SORCS2: variants seen among roughly 807,000 people sequenced by gnomAD.
SORCS2 encodes VPS10 domain-containing receptor SorCS2.
A neutral mutation model predicts 141.6 loss-of-function variants in SORCS2; 100 were observed. The observed-to-expected ratio is 0.71, with a 90% confidence interval of 0.60 to 0.83. SORCS2 has a LOEUF of 0.83. Ranked by LOEUF, SORCS2 falls within the 40% of genes least tolerant of loss-of-function variation. The probability of loss-of-function intolerance (pLI) is 0.00; values close to 1 mark genes in which losing one functional copy is unlikely to be tolerated. For synonymous variants in SORCS2, 789 were observed against 676.9 expected, an observed-to-expected ratio of 1.17 and a Z score of -2.57; for missense variants, 1,646 against 1,560.2, an observed-to-expected ratio of 1.05 and a Z score of -0.93.
chr4:7,267,228 C>A (rs958644924), intron 1 of SORCS2, among the ~76,000 whole-genome samples: 2 of 152,158 alleles, frequency 1.3e-5, no homozygotes, highest in South Asian at 4.1e-4. Flanking sequence ...CCTTTCTTAC[C>A]CTTCTGGTAT....
intron 3 of SORCS2, among the ~76,000 whole-genome samples, chr4:7,631,151 G>A (rs1719865661): frequency 6.6e-6 from 1 of 150,968 alleles, no homozygotes; most frequent in Admixed American, 6.6e-5. Flanking sequence ...GAGGAGATGG[G>A]TTGGAGCCCT....
At chr4:7,572,538 A>G (rs1715472413) in intron 3 of SORCS2, among the ~76,000 whole-genome samples, 2 of 152,242 alleles carry the variant, frequency 1.3e-5, no homozygotes, top group Non-Finnish European at 1.5e-5. Context: ...TTTGTGCTAC[A>G]GCAAGACTTA....
chr4:7,703,820 CTG>C (rs1357103660), intron 13 of SORCS2, among the ~76,000 whole-genome samples: 4 of 152,204 alleles, frequency 2.6e-5, no homozygotes, highest in African/African-American at 7.2e-5. Flanking sequence ...GCCAGTATCA[CTG>C]TAGTCTGAAA....
intron 1 of SORCS2, among the ~76,000 whole-genome samples, chr4:7,322,183 C>A (rs1410243570): frequency 6.6e-6 from 1 of 152,114 alleles, no homozygotes; most frequent in East Asian, 1.9e-4. Context: ...AGCCCCACCC[C>A]CACATGGCCA....
At chr4:7,490,226 C>T (rs1451287248) in intron 2 of SORCS2, among the ~76,000 whole-genome samples, 2 of 152,170 alleles carry the variant, frequency 1.3e-5, no homozygotes, top group African/African-American at 4.8e-5. Flanking sequence ...TTGGGAGCTC[C>T]TTCTTCACCC....
chr4:7,398,313 C>G (rs1400339358), intron 2 of SORCS2, among the ~76,000 whole-genome samples: 3 of 152,152 alleles, frequency 2.0e-5, no homozygotes, highest in Non-Finnish European at 4.4e-5. Context: ...GTGGGGACTT[C>G]CTTCTGCTCC....
At chr4:7,476,434 C>T (rs1386868022) in intron 2 of SORCS2, among the ~76,000 whole-genome samples, 1 of 152,124 alleles carries the variant, frequency 6.6e-6, no homozygotes, top group African/African-American at 2.4e-5. Flanking sequence ...TCAATGCCTT[C>T]AATGGATTGG....
At chr4:7,325,772 C>T (rs759876906) in intron 1 of SORCS2, among the ~76,000 whole-genome samples, 3 of 152,184 alleles carry the variant, frequency 2.0e-5, no homozygotes, top group East Asian at 1.9e-4. Context: ...CTTCCCTCCC[C>T]CCACGCCCAC....
At chr4:7,460,626 C>T (rs1026786526) in intron 2 of SORCS2, among the ~76,000 whole-genome samples, 1 of 152,202 alleles carries the variant, frequency 6.6e-6, no homozygotes, top group Non-Finnish European at 1.5e-5. Flanking sequence ...GTCGGAATTG[C>T]ATGCCGAGAG....
intron 2 of SORCS2, among the ~76,000 whole-genome samples, chr4:7,442,815 T>C (rs1241541667): frequency 3.3e-5 from 5 of 151,714 alleles, no homozygotes; most frequent in Non-Finnish European, 7.4e-5. Flanking sequence ...CAAAACAGTG[T>C]ACCACAGACG....
intron 1 of SORCS2, among the ~76,000 whole-genome samples, chr4:7,212,814 G>A (rs1026532016): frequency 2.0e-5 from 3 of 152,284 alleles, no homozygotes; most frequent in African/African-American, 7.2e-5. Flanking sequence ...ATCAAGAGCT[G>A]TTACTGGAAG....
chr4:7,351,270 T>A (rs1350897581), intron 1 of SORCS2, among the ~76,000 whole-genome samples: 1 of 152,208 alleles, frequency 6.6e-6, no homozygotes. Context: ...AACAGAGACC[T>A]GCTCACAACG....
Position 7,507,531 on chromosome 4 carries a change from CT to C in SORCS2, c.549-23998del, listed in dbSNP as rs373532171. Reference sequence around the variant, plus strand: ...AAGTGTCTAAGAATAGAAAAATTTTCTAAAAATAGAAAAACCAAAGAAAGAG... The same window carrying C: ...AAGTGTCTAAGAATAGAAAAATTTTCAAAAATAGAAAAACCAAAGAAAGAG... On this transcript the variant is annotated intron_variant, in intron 2 of 26. Transcript: ENST00000507866. Among the ~76,000 whole-genome samples, 391 of 152,222 alleles carry C rather than the reference CT, an allele frequency of 2.6e-3. 5 individuals are homozygous for C. The highest frequency in any genetic ancestry group is 8.3e-3 in the African/African-American group (345 of 41,522).
At chr4:7,550,941 T>C (rs138289493) in intron 3 of SORCS2, among the ~76,000 whole-genome samples, 243 of 152,312 alleles carry the variant, frequency 1.6e-3, no homozygotes, top group Middle Eastern at 6.8e-3. Context: ...AGCTTGGCTT[T>C]CCTGCGGGTG....
rs769942991 is a variant in SORCS2, at chr4:7,531,601, T to G, written c.620T>G (p.Phe207Cys). The stretch of plus-strand genomic sequence containing the variant: ...GGTGTCACCACCGTCATCGACAATT[T>G]CTACATCTGCCCGACCAACAAGAGG... ...QPGVTTVIDN[F>C]YICPTNKRKV... is the part of the protein sequence containing the mutation. Residue 207 changes from phenylalanine (F) to cysteine (C), a missense_variant, in exon 3 of 27, where the codon TTC becomes TGC. Transcript: ENST00000507866. The G allele has an allele frequency of 1.2e-6, 2 of 1,613,850 alleles. No individual in the cohort carries two copies. The highest frequency in any genetic ancestry group is 1.1e-5 in the South Asian group (1 of 91,080).
chr4:7,623,685 T>C (rs6838261), intron 3 of SORCS2, among the ~76,000 whole-genome samples: 47,396 of 152,020 alleles, frequency 0.31, 7,522 homozygotes, highest in Middle Eastern at 0.33. Flanking sequence ...GGCACCTCGC[T>C]GTCTCTATGG....
At chr4:7,382,334 G>T (rs1723040659) in intron 1 of SORCS2, among the ~76,000 whole-genome samples, 1 of 152,112 alleles carries the variant, frequency 6.6e-6, no homozygotes, top group Admixed American at 6.5e-5. Flanking sequence ...ATCCTCACTG[G>T]TATTTATATA....
chr4:7,620,740 T>C (rs1719110404), intron 3 of SORCS2, among the ~76,000 whole-genome samples: 1 of 152,120 alleles, frequency 6.6e-6, no homozygotes, highest in Admixed American at 6.6e-5. Flanking sequence ...CTCTTTGCCT[T>C]CTTCTTGCAG....
rs764965674 is a variant in SORCS2 at position 7,723,802 on chromosome 4, AG to A, written c.2531del (p.Ser844ThrfsTer47). 1 of 1,613,836 alleles carries A rather than the reference AG, an allele frequency of 6.2e-7. No homozygotes were observed. The highest frequency in any genetic ancestry group is 1.3e-5 in the African/African-American group (1 of 75,066). Reference protein sequence around the residue: ...TGEPIRHRYESPGIYRVSVRA... With the variant: ...TGEPIRHRYEXPGIYRVSVRA... ...GGAGCCCATCCGGCACCGCTACGAG[AG>A]CCCCGGCATCTACCGCGTGTCCGTC... is the stretch of plus-strand genomic sequence containing the variant. On this transcript the variant is annotated frameshift_variant, in exon 19 of 27. Transcript: ENST00000507866. LOFTEE classifies it high-confidence loss of function.
Sources: gnomAD v4.1 joint callset for allele counts (sites outside exome capture counted in the v4.1 genomes callset) on GRCh38, gnomAD v4.1.1 for gene constraint, MANE v1.5 for transcripts, NCBI Gene and HGNC (gene_info 2026-07-23, HGNC 2026-07-21) for gene names.